The following GALC variants were observed in gnomAD, a reference collection of about 807,000 sequenced individuals.
GALC encodes galactosylceramidase, also known as galactocerebrosidase.
A neutral mutation model predicts 91.8 loss-of-function variants in GALC; 77 were observed. That is an observed-to-expected ratio of 0.84 (90% CI 0.70 to 1.01). GALC has a LOEUF of 1.01. Ranked by LOEUF, GALC falls within the 50% of genes least tolerant of loss-of-function variation. GALC has a pLI of 0.00. For missense variants in GALC, 882 were observed against 855.9 expected, an observed-to-expected ratio of 1.03 and a Z score of -0.38; for synonymous variants, 357 against 306.7, an observed-to-expected ratio of 1.16 and a Z score of -1.71.
chr14:87,988,028 A>C, intron 3 of GALC, 116 bp downstream of exon 3: 1 of 795,674 alleles, frequency 1.3e-6, no homozygotes, highest in Non-Finnish European at 2.2e-6. Context: ...CTAATAAGCA[A>C]CAATCAATCT....
intron 15 of GALC, 32 bp from the exon 16 acceptor site, chr14:87,940,013 T>C: frequency 1.3e-6 from 2 of 1,514,804 alleles, no homozygotes; most frequent in Non-Finnish European, 9.2e-7. Context: ...CCAATAGATA[T>C]AATTTTGAGA....
intron 7 of GALC, 128 bp from the exon 8 acceptor site, chr14:87,968,618 G>A: frequency 1.2e-6 from 1 of 863,740 alleles, no homozygotes; most frequent in South Asian, 1.5e-5. Context: ...CAGTTGGGTA[G>A]CTTCCAGGTA....
chr14:87,937,230 T>C (rs1321314050), intron 16 of GALC, among the ~76,000 whole-genome samples: 2 of 151,798 alleles, frequency 1.3e-5, no homozygotes, highest in Admixed American at 1.3e-4. Flanking sequence ...TTTAATGCAC[T>C]GGGAATTTAA....
In GALC at chr14:87,992,485, A is replaced by G; in HGVS notation, c.195+485T>C. On this transcript the variant is annotated intron_variant, in intron 1 of 16. Transcript: ENST00000261304. ...TACCCTGCACTAACAACTGCACGGGACTTAACGACTCCACCACCCACCAAC... is the reference window on the plus strand; with the variant it reads ...TACCCTGCACTAACAACTGCACGGGGCTTAACGACTCCACCACCCACCAAC... The G allele has an allele frequency of 2.0e-6, 3 of 1,532,838 alleles. No individual in the cohort carries two copies. The South Asian group carries it at 3.6e-5, about 18-fold the overall frequency. 95.0% of individuals were successfully genotyped at this position (1,532,838 alleles called of 1,614,324 possible).
intron 8 of GALC, among the ~76,000 whole-genome samples, chr14:87,966,966 T>C (rs1206414560): frequency 6.6e-6 from 1 of 152,192 alleles, no homozygotes; most frequent in Non-Finnish European, 1.5e-5. Context: ...TTGAGGGCAC[T>C]GACTAGATGG....
chr14:87,949,540 G>A (rs1595197754), intron 12 of GALC, among the ~76,000 whole-genome samples: 1 of 151,952 alleles, frequency 6.6e-6, no homozygotes, highest in Non-Finnish European at 1.5e-5. Flanking sequence ...AAGTAACGGT[G>A]GTAATGGAGA....
In GALC at chr14:87,933,077, A is replaced by G. The variant is rs1221461730; in HGVS notation, c.*1655T>C. 1.3e-5 allele frequency: 2 copies of G among 152,160 alleles called. No homozygotes were observed. The highest frequency in any genetic ancestry group is 1.5e-5 in the Non-Finnish European group (1 of 68,020). The allele number at this position is 152,160 out of a possible 1,614,324, so 9.4% of individuals were successfully genotyped here. A position where few individuals can be genotyped will look rare whatever the true frequency, so the allele number is the denominator to read the frequency against. Reference sequence around the variant, plus strand: ...TGGTGGGGAGGAAACAAATTGTGGTATATTCATACAATGGAAAACTCTTCA... The same window carrying G: ...TGGTGGGGAGGAAACAAATTGTGGTGTATTCATACAATGGAAAACTCTTCA... On this transcript the variant is annotated 3_prime_UTR_variant, in exon 17 of 17. Transcript: ENST00000261304.
intron 10 of GALC, chr14:87,952,390 A>C (rs1885348173): frequency 2.8e-6 from 1 of 352,380 alleles, no homozygotes; most frequent in African/African-American, 2.0e-5. Flanking sequence ...GAGCATAGAG[A>C]GGTTTAAGAC....
Position 87,934,318 on chromosome 14 carries a change from C to G in GALC, c.*414G>C. On this transcript the variant is annotated 3_prime_UTR_variant, in exon 17 of 17. Transcript: ENST00000261304. ...GCAGCATCATCTTGTGATGAAGACA[C>G]TGGCTCACTTGGACACACGGTCAGC... 7.8e-7 allele frequency: 1 copy of G among 1,283,042 alleles called. No homozygotes were observed. The allele number at this position is 1,283,042 out of a possible 1,614,324, so 79.5% of individuals were successfully genotyped here.
chr14:87,939,691 G>A (rs1017384062), intron 16 of GALC, among the ~76,000 whole-genome samples: 1 of 151,846 alleles, frequency 6.6e-6, no homozygotes, highest in African/African-American at 2.4e-5. Context: ...TAAAAAAATA[G>A]TGACCTGATA....
chr14:87,969,433 C>T lies in GALC; in HGVS notation c.753-943G>A, dbSNP rs530199159. 2.4e-4 allele frequency among the ~76,000 whole-genome samples: 37 copies of T among 152,056 alleles called. No homozygotes were observed. The South Asian group carries it at 7.5e-3, about 31-fold the overall frequency. On this transcript the variant is annotated intron_variant, in intron 7 of 16. Coordinates refer to ENST00000261304, the MANE Select transcript of GALC (RefSeq NM_000153.4). ...AAGTATAAATGCATATTCATTACTGCAAGAGTAAAATACTCCCATAATGAT... is the reference window on the plus strand; with the variant it reads ...AAGTATAAATGCATATTCATTACTGTAAGAGTAAAATACTCCCATAATGAT...
chr14:87,982,303 T>C (rs1429979320), intron 5 of GALC, 60 bp from the exon 6 acceptor site: 3 of 1,117,272 alleles, frequency 2.7e-6, no homozygotes, highest in Non-Finnish European at 4.1e-6. Context: ...AGAAAGCAGA[T>C]TATCGTTACG....
At chr14:87,967,241 A>T (rs1886095168) in intron 8 of GALC, among the ~76,000 whole-genome samples, 1 of 152,240 alleles carries the variant, frequency 6.6e-6, no homozygotes, top group Non-Finnish European at 1.5e-5. Flanking sequence ...TGTATTTAAA[A>T]TGTATACATG....
At chr14:87,967,423 T>C (rs1886102175) in intron 8 of GALC, among the ~76,000 whole-genome samples, 1 of 152,160 alleles carries the variant, frequency 6.6e-6, no homozygotes, top group Non-Finnish European at 1.5e-5. Flanking sequence ...CAAACTCTCC[T>C]AAGTGTCTTT....
intron 6 of GALC, chr14:87,980,375 C>G: frequency 8.8e-6 from 3 of 342,854 alleles, no homozygotes; most frequent in Non-Finnish European, 1.2e-5. Flanking sequence ...GAGAGAGACT[C>G]TGTCAAAAAA....
At chr14:87,982,614 G>C (rs561360572) in intron 5 of GALC, among the ~76,000 whole-genome samples, 1 of 152,210 alleles carries the variant, frequency 6.6e-6, no homozygotes, top group East Asian at 1.9e-4. Context: ...CAACAATTAT[G>C]ACAAGATCCC....
chr14:87,974,827 C>G, intron 7 of GALC, among the ~76,000 whole-genome samples: 1 of 151,202 alleles, frequency 6.6e-6, no homozygotes, highest in East Asian at 1.9e-4. Flanking sequence ...TAAAACAGCC[C>G]TATGAGATAA....
chr14:87,937,178 T>G (rs1219314748), intron 16 of GALC, among the ~76,000 whole-genome samples: 1 of 150,590 alleles, frequency 6.6e-6, no homozygotes, highest in Non-Finnish European at 1.5e-5. Flanking sequence ...TGATGTTTTG[T>G]TTTTTTTATT....
At chr14:87,963,280 G>T in intron 10 of GALC, 104 bp downstream of exon 10, 2 of 1,224,044 alleles carry the variant, frequency 1.6e-6, no homozygotes, top group Non-Finnish European at 2.4e-6. Context: ...GCATCTGTCT[G>T]TATGCTTATG....
Sources: allele counts gnomAD v4.1 joint callset (sites outside exome capture counted in the v4.1 genomes callset), GRCh38; gene constraint gnomAD v4.1.1; transcripts MANE v1.5; gene names NCBI Gene and HGNC (gene_info 2026-07-23, HGNC 2026-07-21).